PLOD1: variants seen among roughly 807,000 people sequenced by gnomAD.
PLOD1 encodes the protein procollagen-lysine,2-oxoglutarate 5-dioxygenase 1.
A neutral mutation model predicts 94.7 loss-of-function variants in PLOD1; 70 were observed. That is an observed-to-expected ratio of 0.74 (90% confidence interval 0.61 to 0.90). PLOD1 has a LOEUF of 0.90. Ranked by LOEUF, PLOD1 falls within the 40% of genes least tolerant of loss-of-function variation. PLOD1 has a pLI of 0.00. For synonymous variants in PLOD1, 417 were observed against 400.2 expected, an observed-to-expected ratio of 1.04 and a Z score of -0.50; for missense variants, 905 against 972.7, an observed-to-expected ratio of 0.93 and a Z score of 0.93.
rs1645791665 is a variant in PLOD1 at position 11,963,279 on chromosome 1, G to A, written c.1098-253G>A. On this transcript the variant is annotated intron_variant, in intron 10 of 18. Transcript: ENST00000196061. This position sits in a 1 kb window ranked among gnomAD's most constrained non-coding sequence, Gnocchi z 4.3. ...ACCCTGGGCCATGTAGGCACCTGTG[G>A]GCTGTGTTCTTCCCAGTACCAGGAT... Among the ~76,000 whole-genome samples the A allele has an allele frequency of 6.6e-6, 1 of 152,152 alleles. No homozygotes were observed. Among genetic ancestry groups the A allele is most frequent in the Admixed American group, 6.5e-5 (1 of 15,270 alleles).
chr1:11,948,752 G>T (rs1048316030), intron 2 of PLOD1, among the ~76,000 whole-genome samples: 1 of 151,556 alleles, frequency 6.6e-6, no homozygotes, highest in Non-Finnish European at 1.5e-5. Flanking sequence ...GAAAATAAAA[G>T]AAAAAAGAAA....
intron 2 of PLOD1, among the ~76,000 whole-genome samples, chr1:11,948,548 C>T (rs1414938409): frequency 2.0e-5 from 3 of 152,074 alleles, no homozygotes; most frequent in African/African-American, 2.4e-5. Flanking sequence ...GCCAACATGG[C>T]GAAACCCCAT....
chr1:11,964,414 A>G, intron 12 of PLOD1, 114 bp downstream of exon 12: 1 of 1,190,938 alleles, frequency 8.4e-7, no homozygotes, highest in Non-Finnish European at 1.2e-6. Context: ...ATTCCTGTTG[A>G]ACCTGAAGCA....
intron 1 of PLOD1, among the ~76,000 whole-genome samples, chr1:11,943,774 C>G (rs1286885816): frequency 6.6e-6 from 1 of 152,206 alleles, no homozygotes; most frequent in Non-Finnish European, 1.5e-5. Flanking sequence ...GCCACCGTCC[C>G]TGGCTGGGCA....
In PLOD1 at chr1:11,967,616, A is replaced by ATAT. The variant is rs35226154; in HGVS notation, c.1755+525_1755+526insTAT. Among the ~76,000 whole-genome samples, 283 of 75,096 alleles carry ATAT rather than the reference A, an allele frequency of 3.8e-3. 20 individuals carry two copies. Among genetic ancestry groups the ATAT allele is most frequent in the African/African-American group, 0.014 (222 of 15,364 alleles). 49.3% of individuals were successfully genotyped at this position (75,096 alleles called of 152,430 possible). A position where few individuals can be genotyped will look rare whatever the true frequency, so the allele number is the denominator to read the frequency against. ...GTGTGTGTATATATATATATATATAAAAAGAAATATATATAGATTTTATTT... is the reference window on the plus strand; with the variant it reads ...GTGTGTGTATATATATATATATATAATATAAAGAAATATATATAGATTTTATTT... On this transcript the variant is annotated intron_variant, in intron 16 of 18. Transcript: ENST00000196061.
intron 14 of PLOD1, 24 bp downstream of exon 14, chr1:11,965,617 G>A (rs377338418): frequency 5.0e-5 from 72 of 1,427,398 alleles, no homozygotes; most frequent in Non-Finnish European, 6.6e-5. Context: ...GGGCACATAG[G>A]GGCTGGGAGC....
chr1:11,960,774 T>G lies in PLOD1; in HGVS notation c.1097+7T>G. On this transcript the variant is annotated splice_region_variant and intron_variant, in intron 10 of 18. Coordinates refer to ENST00000196061, the MANE Select transcript of PLOD1 (RefSeq NM_000302.4). ...ATGCCAGGAACATGGGCGCGTGAGT[T>G]GTGGGCCACAGTACTCTCCACTGAC... The G allele has an allele frequency of 6.2e-7, 1 of 1,612,516 alleles. No individual in the cohort carries two copies. The highest frequency in any genetic ancestry group is 8.5e-7 in the Non-Finnish European group (1 of 1,179,902).
intron 9 of PLOD1, among the ~76,000 whole-genome samples, chr1:11,959,087 C>T (rs1209067085): frequency 6.6e-6 from 1 of 151,996 alleles, no homozygotes; most frequent in Non-Finnish European, 1.5e-5. Context: ...TGCCTGTAAT[C>T]CCAGCTACTC....
intron 10 of PLOD1, among the ~76,000 whole-genome samples, chr1:11,962,043 C>T (rs1459828327): frequency 1.3e-5 from 2 of 152,166 alleles, no homozygotes; most frequent in Non-Finnish European, 2.9e-5. Flanking sequence ...CCCGCCTTGG[C>T]CTCCCTAAGT....
chr1:11,963,383 G>T lies in PLOD1; in HGVS notation c.1098-149G>T. 1.5e-6 allele frequency: 1 copy of T among 675,366 alleles called. No homozygotes were observed. The allele number at this position is 675,366 out of a possible 1,614,324, so 41.8% of individuals were successfully genotyped here. On this transcript the variant is annotated intron_variant, in intron 10 of 18. Coordinates refer to ENST00000196061, the MANE Select transcript of PLOD1 (RefSeq NM_000302.4). This position sits in a 1 kb window ranked among gnomAD's most constrained non-coding sequence, Gnocchi z 4.3. ...CAGCAGTCCAGGGGTTTGGGACTCA[G>T]AGTCGGGAGGAACCTTTGAGGCTGC...
chr1:11,973,372 C>T (rs1053207892), intron 18 of PLOD1, among the ~76,000 whole-genome samples: 1 of 151,902 alleles, frequency 6.6e-6, no homozygotes, highest in Non-Finnish European at 1.5e-5. Flanking sequence ...TGGTAGCACA[C>T]ACCTGTAATC....
At chr1:11,966,076 C>T (rs1645815177) in intron 14 of PLOD1, among the ~76,000 whole-genome samples, 175 bp from the exon 15 acceptor site, 1 of 152,116 alleles carries the variant, frequency 6.6e-6, no homozygotes, top group African/African-American at 2.4e-5. Flanking sequence ...CAAACACCAC[C>T]TCCTATGGGC....
rs926708183 is a variant in PLOD1 at position 11,958,361 on chromosome 1, G to T, written c.844-155G>T. 2.0e-5 allele frequency among the ~76,000 whole-genome samples: 3 copies of T among 150,648 alleles called. No individual in the cohort carries two copies. The highest frequency in any genetic ancestry group is 4.4e-5 in the Non-Finnish European group (3 of 67,750). ...CCTCCTGCTGCTTCCCTGCCCCCCC[G>T]TACCCCCTGACTGGAGTTCCCCGGC... is the stretch of plus-strand genomic sequence containing the variant. On this transcript the variant is annotated intron_variant, in intron 8 of 18. Transcript: ENST00000196061. This position sits in a 1 kb window ranked among gnomAD's most constrained non-coding sequence, Gnocchi z 4.3.
Position 11,948,039 on chromosome 1 carries a change from C to T in PLOD1, c.140C>T (p.Ser47Leu), listed in dbSNP as rs764260254. 4 of 1,613,694 alleles carry T rather than the reference C, an allele frequency of 2.5e-6. No individual in the cohort carries two copies. Among genetic ancestry groups the T allele is most frequent in the East Asian group, 2.2e-5 (1 of 44,876 alleles). The change falls in exon 2 of 19, where the codon TCA becomes TTA. Residue 47 changes from serine to leucine, a missense_variant. By Grantham distance (145) the Ser-to-Leu change is moderately radical. Transcript: ENST00000196061. ...ETEGFRRFKRSAQFFNYKIQA... is the reference protein window; with the variant it reads ...ETEGFRRFKRLAQFFNYKIQA... Reference sequence around the variant, plus strand: ...GAGGGATTCCGTCGCTTCAAGCGCTCAGCTCAGTTCTTCAACTACAAGATC... The same window carrying T: ...GAGGGATTCCGTCGCTTCAAGCGCTTAGCTCAGTTCTTCAACTACAAGATC...
Position 11,954,906 on chromosome 1 carries a change from C to A in PLOD1, c.643+13C>A, listed in dbSNP as rs1297071034. 6.2e-7 allele frequency: 1 copy of A among 1,603,894 alleles called. No homozygotes were observed. The highest frequency in any genetic ancestry group is 8.5e-7 in the Non-Finnish European group (1 of 1,170,908). On this transcript the variant is annotated intron_variant, in intron 6 of 18. Coordinates refer to ENST00000196061, the MANE Select transcript of PLOD1 (RefSeq NM_000302.4). Reference sequence around the variant, plus strand: ...GATGGAGCCTTGGGTGAGCAGCCCCCACGGGGAGGGGTGGATCCTCAGAGG... The same window carrying A: ...GATGGAGCCTTGGGTGAGCAGCCCCAACGGGGAGGGGTGGATCCTCAGAGG...
chr1:11,938,539 G>A (rs1645595195), intron 1 of PLOD1, among the ~76,000 whole-genome samples: 1 of 152,192 alleles, frequency 6.6e-6, no homozygotes, highest in African/African-American at 2.4e-5. Context: ...TTCCCTGCAG[G>A]TCTTGCCTGA....
At chr1:11,944,749 T>C (rs1645638712) in intron 1 of PLOD1, 1 of 1,035,106 alleles carries the variant, frequency 9.7e-7, no homozygotes, top group African/African-American at 1.7e-5. Flanking sequence ...CAATCCCTGC[T>C]GGGCCGCCTG....
chr1:11,934,969 G>A, intron 1 of PLOD1, 114 bp downstream of exon 1: 1 of 1,293,784 alleles, frequency 7.7e-7, no homozygotes, highest in Non-Finnish European at 1.0e-6. Context: ...GGGAGTCTGG[G>A]TTCCGGCTCC....
At position 11,963,794 on chromosome 1, in the gene PLOD1, C is replaced by T. The variant is rs1645796038; in HGVS notation, c.1202+158C>T. On this transcript the variant is annotated intron_variant, in intron 11 of 18. Coordinates refer to ENST00000196061, the MANE Select transcript of PLOD1 (RefSeq NM_000302.4). The surrounding 1 kb of genome is among the most constrained non-coding windows in gnomAD (Gnocchi z 4.3). ...TTCTCCTCCTCGTCTTCCTCCTTGT[C>T]TTCCTCCTCCTCTTCCTCTTCCTCC... Among the ~76,000 whole-genome samples the T allele has an allele frequency of 6.6e-6, 1 of 151,848 alleles. No homozygotes were observed. The highest frequency in any genetic ancestry group is 2.1e-4 in the South Asian group (1 of 4,814).
Sources: allele counts gnomAD v4.1 joint callset (sites outside exome capture counted in the v4.1 genomes callset), GRCh38; gene constraint gnomAD v4.1.1; non-coding constraint Gnocchi (gnomAD v3.1); transcripts MANE v1.5; gene names NCBI Gene and HGNC (gene_info 2026-07-23, HGNC 2026-07-21).